Variants in SLIT2 observed in about 807,000 individuals in gnomAD.
SLIT2 encodes the protein slit guidance ligand 2.
SLIT2 carries 41 observed loss-of-function variants against 185.7 expected under a neutral mutation model. The ratio of observed to expected loss-of-function variants is 0.22; its 90% confidence interval spans 0.17 to 0.29. The LOEUF is 0.29. SLIT2 is among the 10% of genes least tolerant of loss of function. The probability of loss-of-function intolerance (pLI) is 1.00; values close to 1 mark genes in which losing one functional copy is unlikely to be tolerated. For synonymous variants in SLIT2, 693 were observed against 680.2 expected (o/e 1.02, Z -0.29); for missense variants, 1,571 against 1,909.0 (o/e 0.82, Z 3.30).
chr4:20,518,252 TA>T (rs1180455017), intron 11 of SLIT2, among the ~76,000 whole-genome samples: 4 of 101,316 alleles, frequency 3.9e-5, no homozygotes, highest in Non-Finnish European at 8.0e-5. Flanking sequence ...TATATATATA[TA>T]TATTTTTTTT....
chr4:20,459,405 A>G (rs76164467), intron 4 of SLIT2, among the ~76,000 whole-genome samples: 4,266 of 152,308 alleles, frequency 0.028, 204 homozygotes, highest in African/African-American at 0.096. Flanking sequence ...GAATACATGA[A>G]TGAGAAAATA....
chr4:20,582,000 G>A (rs939065644), intron 29 of SLIT2, among the ~76,000 whole-genome samples: 22 of 152,332 alleles, frequency 1.4e-4, no homozygotes, highest in South Asian at 6.2e-4. Context: ...GCTCGCCTTG[G>A]CCTCCCAAAG....
At chr4:20,578,597 A>T (rs555429341) in intron 29 of SLIT2, among the ~76,000 whole-genome samples, 1 of 152,196 alleles carries the variant, frequency 6.6e-6, no homozygotes, top group East Asian at 1.9e-4. Context: ...TCGTACATCT[A>T]TGATATCCAG....
chr4:20,257,230 T>C (rs1032324601), intron 2 of SLIT2, among the ~76,000 whole-genome samples: 1 of 152,076 alleles, frequency 6.6e-6, no homozygotes, highest in African/African-American at 2.4e-5. Context: ...ATATTTTGAG[T>C]TTTTATATTT....
At chr4:20,451,284 T>C (rs999803061) in intron 4 of SLIT2, among the ~76,000 whole-genome samples, 1 of 152,168 alleles carries the variant, frequency 6.6e-6, no homozygotes, top group Non-Finnish European at 1.5e-5. Flanking sequence ...AATAAAAACT[T>C]TACATTTCCC....
At chr4:20,320,698 C>G (rs1719004175) in intron 4 of SLIT2, among the ~76,000 whole-genome samples, 1 of 152,132 alleles carries the variant, frequency 6.6e-6, no homozygotes, top group South Asian at 2.1e-4. Context: ...TCCCCTCCTC[C>G]TTCACTAATA....
chr4:20,289,077 G>A (rs1021933081), intron 4 of SLIT2, among the ~76,000 whole-genome samples: 3 of 152,198 alleles, frequency 2.0e-5, no homozygotes, highest in African/African-American at 7.2e-5. Flanking sequence ...ACTCTAATAG[G>A]ACAGAGAAAG....
intron 5 of SLIT2, among the ~76,000 whole-genome samples, chr4:20,472,896 A>G (rs1178777982): frequency 6.6e-6 from 1 of 151,510 alleles, no homozygotes; most frequent in African/African-American, 2.4e-5. Flanking sequence ...TTTTTATGAT[A>G]AAACATTCTT....
chr4:20,262,603 A>G (rs1712593704), intron 3 of SLIT2, among the ~76,000 whole-genome samples: 1 of 151,916 alleles, frequency 6.6e-6, no homozygotes, highest in South Asian at 2.1e-4. Context: ...ACACAAGTTT[A>G]AAATCATGGC....
At chr4:20,472,374 ATCTATATATATG>A (rs1715323387) in intron 5 of SLIT2, among the ~76,000 whole-genome samples, 1 of 30,924 alleles carries the variant, frequency 3.2e-5, no homozygotes, top group Non-Finnish European at 5.3e-5. Context: ...AGATATCTAT[ATCTATATATATG>A]TAGATATATA....
At position 20,542,634 on chromosome 4, in the gene SLIT2, G is replaced by A. The variant is rs1276996608; in HGVS notation, c.2276+8G>A. ...AAGAGATGTCACAGAGTTGTAAGTA[G>A]AGCTTGTCTTTCTTTTCTTTTCTTT... On this transcript the variant is annotated splice_region_variant and intron_variant, in intron 21 of 36. Coordinates refer to ENST00000504154, the MANE Select transcript of SLIT2 (RefSeq NM_004787.4). 6.2e-7 allele frequency: 1 copy of A among 1,611,602 alleles called. No individual in the cohort carries two copies. Among genetic ancestry groups the A allele is most frequent in the African/African-American group, 1.3e-5 (1 of 74,786 alleles).
intron 3 of SLIT2, among the ~76,000 whole-genome samples, chr4:20,261,550 C>A (rs1712478634): frequency 6.6e-6 from 1 of 151,820 alleles, no homozygotes; most frequent in Admixed American, 6.6e-5. Context: ...TACAGTCATT[C>A]ACTTCTATTT....
chr4:20,595,576 G>T (rs1461547135), intron 30 of SLIT2, 121 bp from the exon 31 acceptor site: 1 of 1,195,924 alleles, frequency 8.4e-7, no homozygotes, highest in Non-Finnish European at 1.2e-6. Context: ...TAATGTGGGG[G>T]CTCTATGAGC....
chr4:20,410,243 C>CTTTTTTTTTTTT (rs1160985126), intron 4 of SLIT2, among the ~76,000 whole-genome samples: 21 of 69,050 alleles, frequency 3.0e-4, no homozygotes, highest in Non-Finnish European at 4.6e-4. Flanking sequence ...TCTTTCTTTT[C>CTTTTTTTTTTTT]TTTTTTTTTT....
chr4:20,463,347 G>A (rs575490927), intron 4 of SLIT2, among the ~76,000 whole-genome samples: 21 of 150,678 alleles, frequency 1.4e-4, no homozygotes, highest in African/African-American at 4.4e-4. Context: ...CAACCAAGCC[G>A]CCAATGACTG....
intron 4 of SLIT2, among the ~76,000 whole-genome samples, chr4:20,300,116 G>A (rs900683605): frequency 2.6e-5 from 4 of 151,940 alleles, no homozygotes; most frequent in African/African-American, 2.4e-5. Context: ...TCTCTTCTCA[G>A]ATTTTTAAGC....
At chr4:20,553,256 A>G (rs73252486) in intron 25 of SLIT2, among the ~76,000 whole-genome samples, 1 of 152,250 alleles carries the variant, frequency 6.6e-6, no homozygotes, top group Non-Finnish European at 1.5e-5. Flanking sequence ...CTTAACCACC[A>G]GCCTCCCAGA....
intron 4 of SLIT2, among the ~76,000 whole-genome samples, chr4:20,423,598 AG>A (rs1728328286): frequency 6.6e-6 from 1 of 152,142 alleles, no homozygotes; most frequent in Admixed American, 6.5e-5. Flanking sequence ...ACTGACCACA[AG>A]AGGTCTGCCT....
intron 4 of SLIT2, among the ~76,000 whole-genome samples, chr4:20,300,575 G>T (rs952100997): frequency 2.7e-5 from 4 of 150,450 alleles, no homozygotes; most frequent in East Asian, 2.0e-4. Flanking sequence ...CATTTTAGTT[G>T]TCTCGCACAT....
Sources: allele counts gnomAD v4.1 joint callset (sites outside exome capture counted in the v4.1 genomes callset), GRCh38; gene constraint gnomAD v4.1.1; transcripts MANE v1.5; gene names NCBI Gene and HGNC (gene_info 2026-07-23, HGNC 2026-07-21).